BIRC6: variants seen among roughly 807,000 people sequenced by gnomAD.
BIRC6 encodes baculoviral IAP repeat containing 6.
BIRC6 carries 98 observed loss-of-function variants against 503.3 expected under a neutral mutation model. The ratio of observed to expected loss-of-function variants is 0.19; its 90% confidence interval spans 0.17 to 0.23. The LOEUF (loss-of-function observed/expected upper bound fraction) is 0.23. Among genes scored for constraint, BIRC6 ranks in the 10% least tolerant of loss-of-function variants. The pLI is 1.00. For missense variants in BIRC6, 5,360 were observed against 5,806.0 expected, an observed-to-expected ratio of 0.92 and a Z score of 2.50; for synonymous variants, 2,240 against 2,078.7, an observed-to-expected ratio of 1.08 and a Z score of -2.11.
intron 66 of BIRC6, among the ~76,000 whole-genome samples, chr2:32,591,721 A>G (rs1365362999): frequency 6.6e-6 from 1 of 152,202 alleles, no homozygotes; most frequent in Non-Finnish European, 1.5e-5. Context: ...AGGAAACTAT[A>G]TTTTATTATG....
chr2:32,469,175 G>C (rs942997912), intron 29 of BIRC6, among the ~76,000 whole-genome samples: 2 of 152,132 alleles, frequency 1.3e-5, no homozygotes, highest in African/African-American at 4.8e-5. Flanking sequence ...GACACATCCA[G>C]CTCCATAGGC....
At chr2:32,375,940 C>T (rs2036706754) in intron 1 of BIRC6, among the ~76,000 whole-genome samples, 1 of 151,994 alleles carries the variant, frequency 6.6e-6, no homozygotes, top group Non-Finnish European at 1.5e-5. Flanking sequence ...AATCCCGGCT[C>T]TTTGGGAGGC....
chr2:32,520,201 AT>A (rs750814913), intron 57 of BIRC6, among the ~76,000 whole-genome samples: 13 of 152,316 alleles, frequency 8.5e-5, no homozygotes, highest in Admixed American at 3.3e-4. Context: ...AGTTAAAGAG[AT>A]TTGGGAGTTG....
chr2:32,447,657 AC>A (rs1162524592), intron 21 of BIRC6, among the ~76,000 whole-genome samples: 181 of 78,968 alleles, frequency 2.3e-3, no homozygotes, highest in African/African-American at 8.8e-3. Flanking sequence ...CAGGGGGCTG[AC>A]CCCCCCTCCC....
intron 57 of BIRC6, among the ~76,000 whole-genome samples, chr2:32,521,627 C>G (rs2055721102): frequency 7.2e-6 from 1 of 138,816 alleles, no homozygotes; most frequent in South Asian, 2.3e-4. Flanking sequence ...CGCCACCACA[C>G]TCGGCTAATT....
chr2:32,412,653 A>G (rs1347432757), intron 9 of BIRC6, among the ~76,000 whole-genome samples: 1 of 152,020 alleles, frequency 6.6e-6, no homozygotes, highest in Non-Finnish European at 1.5e-5. Context: ...TTTTCTTCCT[A>G]GTTATTTTTT....
At chr2:32,564,489 G>A (rs1436725862) in intron 65 of BIRC6, 1 of 152,136 alleles carries the variant, frequency 6.6e-6, no homozygotes, top group African/African-American at 2.4e-5. Context: ...ACCTAGGATG[G>A]AATTGTTGAG....
chr2:32,396,522 T>C (rs1014553538), intron 6 of BIRC6, among the ~76,000 whole-genome samples: 1 of 152,202 alleles, frequency 6.6e-6, no homozygotes, highest in African/African-American at 2.4e-5. Context: ...AAGTTGTATC[T>C]ATCTGCAGGC....
intron 21 of BIRC6, among the ~76,000 whole-genome samples, chr2:32,447,697 G>A (rs1182067919): frequency 4.0e-5 from 4 of 100,202 alleles, no homozygotes; most frequent in South Asian, 3.9e-4. Flanking sequence ...CTGGCCGGGC[G>A]GGGGGCTGAC....
intron 2 of BIRC6, among the ~76,000 whole-genome samples, chr2:32,378,363 A>C (rs545988298): frequency 1.3e-5 from 2 of 152,086 alleles, no homozygotes; most frequent in South Asian, 2.1e-4. Context: ...TGACCACACC[A>C]AGCTGAGAGG....
At chr2:32,425,434 CTTTTTTT>C (rs200528146) in intron 10 of BIRC6, among the ~76,000 whole-genome samples, 20 of 134,298 alleles carry the variant, frequency 1.5e-4, no homozygotes, top group African/African-American at 5.5e-4. Flanking sequence ...TCTGGTAATT[CTTTTTTT>C]TTTTTTTTCT....
intron 6 of BIRC6, among the ~76,000 whole-genome samples, chr2:32,399,235 G>T (rs961077102): frequency 3.9e-5 from 6 of 152,040 alleles, no homozygotes; most frequent in Admixed American, 2.6e-4. Context: ...ACAGGTGTGC[G>T]CCACAATGCC....
chr2:32,357,649 A>C lies in BIRC6; in HGVS notation c.325+163A>C, dbSNP rs1484060987. 6.6e-6 allele frequency among the ~76,000 whole-genome samples: 1 copy of C among 152,080 alleles called. No homozygotes were observed. Among genetic ancestry groups the C allele is most frequent in the East Asian group, 1.9e-4 (1 of 5,176 alleles). On this transcript the variant is annotated intron_variant, in intron 1 of 73. Transcript: ENST00000421745. The surrounding 1 kb of genome is among the most constrained non-coding windows in gnomAD (Gnocchi z 4.9). ...CCGGAAGCTGATGGAGGGGGACCTT[A>C]GGACTTGGCTTTTTCAGCGGCTGCA...
intron 66 of BIRC6, 138 bp from the exon 67 acceptor site, chr2:32,593,777 G>A: frequency 1.5e-6 from 1 of 663,858 alleles, no homozygotes; most frequent in Non-Finnish European, 2.4e-6. Flanking sequence ...CTAGCCAGTG[G>A]CTTCAAAAGC....
At chr2:32,569,794 C>G (rs914503962) in intron 65 of BIRC6, among the ~76,000 whole-genome samples, 2 of 151,572 alleles carry the variant, frequency 1.3e-5, no homozygotes, top group African/African-American at 4.9e-5. Flanking sequence ...TATCCTGAAT[C>G]TTTATTGAAT....
rs770715001 is a variant in BIRC6 at position 32,463,351 on chromosome 2, A to G, written c.4911A>G (p.Lys1637=). 6.2e-7 allele frequency: 1 copy of G among 1,612,832 alleles called. No homozygotes were observed. Among genetic ancestry groups the G allele is most frequent in the South Asian group, 1.1e-5 (1 of 90,910 alleles). The change falls in exon 24 of 74, where the codon AAA becomes AAG. Residue 1637 remains lysine (K), a synonymous_variant. Coordinates refer to ENST00000421745, the MANE Select transcript of BIRC6 (RefSeq NM_016252.4). The stretch of plus-strand genomic sequence containing the variant: ...AACAGCTACAGGTGCTGCAAGAGAA[A>G]CAGCAGCAGCTTTTGAAGCTTCAGC... The part of the protein sequence containing the change: ...AEQQLQVLQE[K]QQQLLKLQQQ...
intron 64 of BIRC6, 95 bp downstream of exon 64, chr2:32,548,109 A>G (rs1233517932): frequency 5.3e-6 from 6 of 1,124,960 alleles, no homozygotes; most frequent in South Asian, 4.1e-5. Context: ...TTCCTCAGCT[A>G]TGTTTATGCC....
chr2:32,518,434 A>G (rs1272392245), intron 56 of BIRC6, 37 bp downstream of exon 56: 1 of 1,574,878 alleles, frequency 6.3e-7, no homozygotes, highest in Non-Finnish European at 8.6e-7. Context: ...CTGTGTATAC[A>G]TGTATTTTAC....
chr2:32,524,031 G>A (rs928274726), intron 57 of BIRC6, among the ~76,000 whole-genome samples: 5 of 142,414 alleles, frequency 3.5e-5, no homozygotes, highest in Non-Finnish European at 6.0e-5. Flanking sequence ...GCAACACAGC[G>A]AGACCTTATC....
Sources: allele counts gnomAD v4.1 joint callset (sites outside exome capture counted in the v4.1 genomes callset), GRCh38; gene constraint gnomAD v4.1.1; non-coding constraint Gnocchi (gnomAD v3.1); transcripts MANE v1.5; gene names NCBI Gene and HGNC (gene_info 2026-07-23, HGNC 2026-07-21).